Variants in LRP1B observed in about 807,000 individuals in gnomAD.
LRP1B encodes the protein LDL receptor related protein 1B.
In LRP1B, 217 loss-of-function variants were observed where a neutral mutation model predicts 556.6. The observed-to-expected ratio is 0.39, with a 90% confidence interval of 0.35 to 0.44. LRP1B has a LOEUF of 0.44. Among genes scored for constraint, LRP1B ranks in the 20% least tolerant of loss-of-function variants. The pLI is 1.00. For missense variants in LRP1B, 5,053 were observed against 5,620.8 expected (o/e 0.90, Z 3.23); for synonymous variants, 2,047 against 1,865.8 (o/e 1.10, Z -2.50).
chr2:140,650,178 C>T (rs186769380), intron 41 of LRP1B, among the ~76,000 whole-genome samples: 8 of 151,538 alleles, frequency 5.3e-5, no homozygotes, highest in Admixed American at 1.3e-4. Context: ...AATTTAATTT[C>T]TAGATACTTA....
chr2:141,984,307 T>C (rs1702124406), intron 1 of LRP1B, among the ~76,000 whole-genome samples: 3 of 151,686 alleles, frequency 2.0e-5, no homozygotes, highest in South Asian at 4.2e-4. Context: ...AACAATGACA[T>C]GAATAAAAAT....
intron 66 of LRP1B, among the ~76,000 whole-genome samples, chr2:140,430,191 T>A (rs1288217696): frequency 6.6e-6 from 1 of 152,144 alleles, no homozygotes; most frequent in Non-Finnish European, 1.5e-5. Flanking sequence ...ATCTTCCACA[T>A]CTATCATTGA....
intron 1 of LRP1B, among the ~76,000 whole-genome samples, chr2:142,038,250 G>A (rs1222982634): frequency 6.6e-6 from 1 of 151,502 alleles, no homozygotes; most frequent in Non-Finnish European, 1.5e-5. Context: ...GGTTTTAAAT[G>A]GTGATGCCTT....
rs148739800 is a variant in LRP1B, at chr2:140,896,785, G to A, written c.3766+6135C>T. Among the ~76,000 whole-genome samples, 342 of 150,192 alleles carry A rather than the reference G, an allele frequency of 2.3e-3. 1 individual carries two copies. Among genetic ancestry groups the A allele is most frequent in the African/African-American group, 7.8e-3 (318 of 40,816 alleles). ...TGTGAGCCACCATGCCCAGCCAAAA[G>A]CCTGCTATCATCATTTTTTTTTCTT... On this transcript the variant is annotated intron_variant, in intron 23 of 90. Coordinates refer to ENST00000389484, the MANE Select transcript of LRP1B (RefSeq NM_018557.3).
intron 1 of LRP1B, among the ~76,000 whole-genome samples, chr2:141,958,887 G>A (rs1291776461): frequency 6.6e-6 from 1 of 151,610 alleles, no homozygotes; most frequent in Admixed American, 6.6e-5. Flanking sequence ...TTTCATATGG[G>A]GAAAATCATG....
At chr2:140,460,381 AT>A (rs1244256617) in intron 60 of LRP1B, among the ~76,000 whole-genome samples, 3 of 152,232 alleles carry the variant, frequency 2.0e-5, no homozygotes, top group Non-Finnish European at 4.4e-5. Context: ...CATGGAGCTA[AT>A]AAAAAATCAC....
intron 7 of LRP1B, among the ~76,000 whole-genome samples, chr2:141,123,201 C>T (rs1206670682): frequency 2.0e-5 from 3 of 149,726 alleles, no homozygotes; most frequent in Admixed American, 6.7e-5. Flanking sequence ...TGTAACAAAT[C>T]TGCACATTGT....
chr2:141,750,383 ATTCT>A (rs1046834730), intron 2 of LRP1B, among the ~76,000 whole-genome samples: 3 of 152,114 alleles, frequency 2.0e-5, no homozygotes, highest in East Asian at 3.9e-4. Context: ...GCTATTTCTT[ATTCT>A]CTGACTGAAG....
intron 20 of LRP1B, among the ~76,000 whole-genome samples, chr2:140,923,468 A>G (rs1209627493): frequency 3.3e-5 from 5 of 152,054 alleles, no homozygotes; most frequent in Admixed American, 6.6e-5. Flanking sequence ...CTCATGCCTA[A>G]AGGATGAAAT....
At chr2:140,453,273 A>G (rs1686956681) in intron 62 of LRP1B, among the ~76,000 whole-genome samples, 2 of 152,042 alleles carry the variant, frequency 1.3e-5, no homozygotes, top group East Asian at 3.9e-4. Context: ...AAATAACATT[A>G]AAGGGTTTTG....
intron 1 of LRP1B, among the ~76,000 whole-genome samples, chr2:142,107,794 A>ATTTTTT (rs67962280): frequency 3.9e-3 from 431 of 109,800 alleles, no homozygotes; most frequent in Non-Finnish European, 5.9e-3. Flanking sequence ...CGCCTAGCTA[A>ATTTTTT]TTTTTTTTTT....
intron 3 of LRP1B, among the ~76,000 whole-genome samples, chr2:141,288,904 A>G (rs1282027768): frequency 6.6e-6 from 1 of 152,132 alleles, no homozygotes; most frequent in Non-Finnish European, 1.5e-5. Context: ...CTTTATTCCC[A>G]CTAGAAAGTG....
intron 69 of LRP1B, among the ~76,000 whole-genome samples, chr2:140,371,731 A>G (rs1683008056): frequency 6.6e-6 from 1 of 151,972 alleles, no homozygotes; most frequent in Admixed American, 6.6e-5. Context: ...TTCACTGTAT[A>G]AAGCACAAAG....
At chr2:140,973,388 G>T (rs935461094) in intron 18 of LRP1B, among the ~76,000 whole-genome samples, 1 of 151,964 alleles carries the variant, frequency 6.6e-6, no homozygotes, top group African/African-American at 2.4e-5. Flanking sequence ...ATTCAAAACT[G>T]CAAAATTACA....
At chr2:140,421,623 C>T (rs1260517014) in intron 66 of LRP1B, among the ~76,000 whole-genome samples, 3 of 152,094 alleles carry the variant, frequency 2.0e-5, no homozygotes, top group Non-Finnish European at 4.4e-5. Flanking sequence ...GGGTCCATAT[C>T]AATGCTAATT....
intron 2 of LRP1B, among the ~76,000 whole-genome samples, chr2:141,687,365 G>A (rs1481452655): frequency 6.6e-6 from 1 of 151,886 alleles, no homozygotes; most frequent in Non-Finnish European, 1.5e-5. Flanking sequence ...TGTGAGACGA[G>A]TAAGCCAAAT....
rs1692089913 is a variant in LRP1B, at chr2:140,841,056, A to G, written c.4976T>C (p.Val1659Ala). The G allele has an allele frequency of 1.9e-6, 3 of 1,612,646 alleles. No individual in the cohort carries two copies. The change falls in exon 30 of 91, where the codon GTG (valine) becomes GCG (alanine). Residue 1659 changes from valine (V) to alanine (A), a missense_variant. Val to Ala is a moderately conservative substitution (Grantham distance 64, BLOSUM62 0). Transcript: ENST00000389484. ...GCTAATCCAGTATAAATTACGTGACACCCAATCCACTGCTAGCCCTCTGAT... is the reference window on the plus strand; with the variant it reads ...GCTAATCCAGTATAAATTACGTGACGCCCAATCCACTGCTAGCCCTCTGAT... ...QSIRGLAVDW[V>A]SRNLYWISSE...
At position 141,088,823 on chromosome 2, in the gene LRP1B, TG is replaced by T. The variant is rs1307901745; in HGVS notation, c.1014-26551del. Reference sequence around the variant, plus strand: ...TTGGTCCTTTAAATCGATGTCAAAATGGCTCAGGATATTATGTTTTGCCTTT... The same window carrying T: ...TTGGTCCTTTAAATCGATGTCAAAATGCTCAGGATATTATGTTTTGCCTTT... On this transcript the variant is annotated intron_variant, in intron 7 of 90. Transcript: ENST00000389484. 3.3e-5 allele frequency among the ~76,000 whole-genome samples: 5 copies of T among 152,280 alleles called. No homozygotes were observed. In the East Asian group the frequency reaches 9.7e-4, roughly 29 times the overall value.
In LRP1B at chr2:140,828,823, G is replaced by A. The variant is rs867638829; in HGVS notation, c.5209+11168C>T. ...AAAAAAAAAAAAAAAAAGACACAAAGCAGCTGAATAATTTTTTTATTCAGG... is the reference window on the plus strand; with the variant it reads ...AAAAAAAAAAAAAAAAAGACACAAAACAGCTGAATAATTTTTTTATTCAGG... On this transcript the variant is annotated intron_variant, in intron 31 of 90. Transcript: ENST00000389484. Among the ~76,000 whole-genome samples the A allele has an allele frequency of 1.2e-4, 17 of 141,740 alleles. 1 individual carries two copies. The highest frequency in any genetic ancestry group is 7.5e-3 in the Middle Eastern group (2 of 266). The allele number at this position is 141,740 out of a possible 152,430, so 93.0% of individuals were successfully genotyped here.
Sources: allele counts gnomAD v4.1 joint callset (sites outside exome capture counted in the v4.1 genomes callset), GRCh38; gene constraint gnomAD v4.1.1; transcripts MANE v1.5; gene names NCBI Gene and HGNC (gene_info 2026-07-23, HGNC 2026-07-21).